MNAT1: variants seen among roughly 807,000 people sequenced by gnomAD.
The protein encoded by MNAT1 is CDK-activating kinase assembly factor MAT1.
A neutral mutation model predicts 42.0 loss-of-function variants in MNAT1; 43 were observed. The ratio of observed to expected loss-of-function variants is 1.02; its 90% CI spans 0.80 to 1.32. The LOEUF (loss-of-function observed/expected upper bound fraction) is 1.32. MNAT1 is among the 40% of genes most tolerant of loss of function. The pLI is 0.00. For missense variants in MNAT1, 306 were observed against 350.4 expected, an observed-to-expected ratio of 0.87 and a Z score of 1.01; for synonymous variants, 118 against 120.0, an observed-to-expected ratio of 0.98 and a Z score of 0.11.
intron 7 of MNAT1, among the ~76,000 whole-genome samples, chr14:60,882,321 G>A (rs2034569928): frequency 6.6e-6 from 1 of 151,930 alleles, no homozygotes; most frequent in South Asian, 2.1e-4. Context: ...AAATAAGTGG[G>A]AACATGCTAA....
intron 7 of MNAT1, among the ~76,000 whole-genome samples, chr14:60,893,382 T>G (rs2139490854): frequency 6.6e-6 from 1 of 152,298 alleles, no homozygotes; most frequent in Admixed American, 6.5e-5. Flanking sequence ...AATCATAGTA[T>G]TTTCTTAACT....
At chr14:60,749,485 G>A (rs1212796137) in intron 1 of MNAT1, among the ~76,000 whole-genome samples, 1 of 152,028 alleles carries the variant, frequency 6.6e-6, no homozygotes, top group East Asian at 1.9e-4. Context: ...TGGAATCCTA[G>A]GTTCGCTACT....
intron 1 of MNAT1, among the ~76,000 whole-genome samples, chr14:60,756,409 C>T (rs1394423652): frequency 1.3e-5 from 2 of 152,268 alleles, no homozygotes; most frequent in Admixed American, 6.5e-5. Context: ...ACATGAAATT[C>T]TGAACTTTTA....
At chr14:60,959,025 C>T (rs569187103) in intron 7 of MNAT1, among the ~76,000 whole-genome samples, 1 of 152,172 alleles carries the variant, frequency 6.6e-6, no homozygotes, top group Non-Finnish European at 1.5e-5. Flanking sequence ...CTCAAGTGAC[C>T]CTCCTGCCTC....
At chr14:60,876,529 A>C (rs1020365924) in intron 6 of MNAT1, among the ~76,000 whole-genome samples, 1 of 151,968 alleles carries the variant, frequency 6.6e-6, no homozygotes, top group Admixed American at 6.6e-5. Context: ...CATTTCCAAA[A>C]ATTTCTCATC....
intron 6 of MNAT1, among the ~76,000 whole-genome samples, chr14:60,875,009 T>C (rs1361560124): frequency 6.6e-6 from 1 of 152,074 alleles, no homozygotes; most frequent in African/African-American, 2.4e-5. Flanking sequence ...GAGGGAAAGA[T>C]AGATGGAATG....
intron 3 of MNAT1, among the ~76,000 whole-genome samples, chr14:60,806,961 T>C (rs1281828017): frequency 6.6e-6 from 1 of 152,168 alleles, no homozygotes; most frequent in Non-Finnish European, 1.5e-5. Context: ...TTATGAAGAT[T>C]GTCCCACATT....
chr14:60,759,273 C>T (rs2030495293), intron 1 of MNAT1, among the ~76,000 whole-genome samples: 1 of 152,162 alleles, frequency 6.6e-6, no homozygotes, highest in Non-Finnish European at 1.5e-5. Context: ...CTGGTCTGGT[C>T]TCTGCCTATT....
chr14:60,948,167 A>C (rs1316755786), intron 7 of MNAT1, among the ~76,000 whole-genome samples: 1 of 152,132 alleles, frequency 6.6e-6, no homozygotes, highest in Non-Finnish European at 1.5e-5. Context: ...ATGGTGACTC[A>C]CGCCTGTAAT....
chr14:60,797,663 C>A (rs1566769674), intron 2 of MNAT1, among the ~76,000 whole-genome samples: 1 of 152,144 alleles, frequency 6.6e-6, no homozygotes, highest in African/African-American at 2.4e-5. Context: ...CGCGGTGGCT[C>A]ATGCTTGTAA....
chr14:60,895,275 A>C (rs937900215), intron 7 of MNAT1, among the ~76,000 whole-genome samples: 16 of 152,214 alleles, frequency 1.1e-4, no homozygotes, highest in East Asian at 1.9e-4. Context: ...GTAGACCTAA[A>C]AATATATTTT....
chr14:60,764,916 T>G (rs1594735945), intron 1 of MNAT1, among the ~76,000 whole-genome samples: 2 of 152,056 alleles, frequency 1.3e-5, no homozygotes, highest in African/African-American at 4.8e-5. Flanking sequence ...GTGTGTATAA[T>G]GAGGGACTGA....
chr14:60,952,486 C>A (rs1021189180), intron 7 of MNAT1, among the ~76,000 whole-genome samples: 2 of 151,980 alleles, frequency 1.3e-5, no homozygotes, highest in Non-Finnish European at 1.5e-5. Flanking sequence ...AATACGGTAA[C>A]AATAGTGGCA....
At chr14:60,962,002 G>C (rs1314357173) in intron 7 of MNAT1, among the ~76,000 whole-genome samples, 1 of 152,100 alleles carries the variant, frequency 6.6e-6, no homozygotes, top group Non-Finnish European at 1.5e-5. Flanking sequence ...GAATTTCCAA[G>C]AAGTGACACT....
chr14:60,820,007 A>G (rs2032833276), intron 6 of MNAT1, among the ~76,000 whole-genome samples: 1 of 152,146 alleles, frequency 6.6e-6, no homozygotes, highest in Non-Finnish European at 1.5e-5. Flanking sequence ...CCTAGTTTTT[A>G]TATACATAAA....
intron 6 of MNAT1, among the ~76,000 whole-genome samples, chr14:60,852,541 T>G (rs2033850769): frequency 6.6e-6 from 1 of 152,224 alleles, no homozygotes; most frequent in African/African-American, 2.4e-5. Flanking sequence ...CAGAAGCTCT[T>G]TAGCTTGGTT....
chr14:60,883,130 G>A (rs2034588622), intron 7 of MNAT1, among the ~76,000 whole-genome samples: 1 of 151,980 alleles, frequency 6.6e-6, no homozygotes, highest in Admixed American at 6.6e-5. Flanking sequence ...GTGCTTGTGG[G>A]GGTGTTCCTC....
chr14:60,764,305 G>A (rs552500771), intron 1 of MNAT1, among the ~76,000 whole-genome samples: 3 of 152,264 alleles, frequency 2.0e-5, no homozygotes, highest in African/African-American at 7.2e-5. Flanking sequence ...CATAATCCTG[G>A]TGTAGCCCTC....
chr14:60,843,270 G>A (rs2033596610), intron 6 of MNAT1, among the ~76,000 whole-genome samples: 1 of 151,938 alleles, frequency 6.6e-6, no homozygotes, highest in Non-Finnish European at 1.5e-5. Context: ...TCATTCGTTT[G>A]CCTTTTTTCT....
Sources: gnomAD v4.1 joint callset for allele counts (sites outside exome capture counted in the v4.1 genomes callset) on GRCh38, gnomAD v4.1.1 for gene constraint, MANE v1.5 for transcripts, NCBI Gene and HGNC (gene_info 2026-07-23, HGNC 2026-07-21) for gene names.